Variants in LOC102723971 observed in about 807,000 individuals in gnomAD.
chr9:135,618,056 C>T, the LOC102723971 span: 2 of 398,552 alleles, frequency 5.0e-6, no homozygotes, highest in African/African-American at 4.1e-5. Flanking sequence ...TGAGCACTGT[C>T]CCCCAGCCAC....
chr9:135,618,573 C>A, the LOC102723971 span, among the ~76,000 whole-genome samples: 1 of 151,948 alleles, frequency 6.6e-6, no homozygotes, highest in African/African-American at 2.4e-5. Flanking sequence ...GTTTGAGGAG[C>A]ATGACCGTGC....
chr9:135,618,055 T>C, the LOC102723971 span: 132,267 of 398,326 alleles, frequency 0.33, 22,866 homozygotes, highest in African/African-American at 0.44. Context: ...GTGAGCACTG[T>C]CCCCCAGCCA....
At chr9:135,615,200 A>G in the LOC102723971 span, among the ~76,000 whole-genome samples, 1 of 151,968 alleles carries the variant, frequency 6.6e-6, no homozygotes, top group Non-Finnish European at 1.5e-5. Flanking sequence ...GGCACTAGCC[A>G]GCCTCTCCTG....
the LOC102723971 span, among the ~76,000 whole-genome samples, chr9:135,614,710 C>T: frequency 6.6e-6 from 1 of 152,080 alleles, no homozygotes; most frequent in Non-Finnish European, 1.5e-5. Flanking sequence ...GGGGACCCAG[C>T]CGAGCAGGGG....
the LOC102723971 span, among the ~76,000 whole-genome samples, chr9:135,619,810 A>G: frequency 6.6e-6 from 1 of 151,576 alleles, no homozygotes; most frequent in South Asian, 2.1e-4. Context: ...CAAGACAGGT[A>G]TGTCCAGAGG....
At chr9:135,616,974 C>T in the LOC102723971 span, 3 of 398,500 alleles carry the variant, frequency 7.5e-6, no homozygotes, top group South Asian at 1.3e-4. Flanking sequence ...TCTTTACGTG[C>T]GCTTTGAGGA....
the LOC102723971 span, among the ~76,000 whole-genome samples, chr9:135,615,010 A>T: frequency 6.6e-6 from 1 of 152,224 alleles, no homozygotes; most frequent in Non-Finnish European, 1.5e-5. Context: ...CTTCCCAAGA[A>T]GTAAGCACAG....
chr9:135,619,867 TTCTCCCCCTTCTCCCCAA>T, the LOC102723971 span, among the ~76,000 whole-genome samples: 4 of 28,638 alleles, frequency 1.4e-4, no homozygotes, highest in African/African-American at 6.0e-4. Context: ...CTTCTCCCCC[TTCTCCCCCTTCTCCCCAA>T]TCTCCCCCGT....
At chr9:135,616,068 G>A in the LOC102723971 span, among the ~76,000 whole-genome samples, 2 of 152,206 alleles carry the variant, frequency 1.3e-5, no homozygotes, top group Non-Finnish European at 2.9e-5. Flanking sequence ...CAGAGTCCCA[G>A]GGGTTGGTGG....
At chr9:135,614,488 G>A in the LOC102723971 span, 16 of 396,532 alleles carry the variant, frequency 4.0e-5, no homozygotes, top group Non-Finnish European at 5.8e-5. Flanking sequence ...AGCTCTGGAG[G>A]GTGAGCTGCA....
chr9:135,614,813 C>T, the LOC102723971 span, among the ~76,000 whole-genome samples: 7 of 152,080 alleles, frequency 4.6e-5, no homozygotes, highest in Admixed American at 3.3e-4. Flanking sequence ...GGTCCTGGTG[C>T]TGCTGGTGGG....
chr9:135,619,441 T>G, the LOC102723971 span, among the ~76,000 whole-genome samples: 1 of 151,994 alleles, frequency 6.6e-6, no homozygotes, highest in African/African-American at 2.4e-5. Context: ...CCACGGAGGC[T>G]GTTCTCAGAC....
At chr9:135,617,606 G>T in the LOC102723971 span, among the ~76,000 whole-genome samples, 2 of 152,168 alleles carry the variant, frequency 1.3e-5, no homozygotes, top group African/African-American at 4.8e-5. Context: ...GGGAGGGGTG[G>T]CACCAGGCCG....
chr9:135,616,173 G>A, the LOC102723971 span, among the ~76,000 whole-genome samples: 855 of 152,212 alleles, frequency 5.6e-3, 5 homozygotes, highest in African/African-American at 0.02. Flanking sequence ...GCATGGGGGC[G>A]AGGGGCCTCT....
chr9:135,618,888 A>G, the LOC102723971 span: 1 of 398,732 alleles, frequency 2.5e-6, no homozygotes, highest in Non-Finnish European at 4.4e-6. Context: ...AAAATGAATG[A>G]GTGAAGTCCT....
the LOC102723971 span, chr9:135,616,609 A>G: frequency 4.5e-5 from 18 of 398,590 alleles, no homozygotes; most frequent in Middle Eastern, 6.2e-4. Flanking sequence ...GTGTAAAGAA[A>G]CAAACATCAC....
the LOC102723971 span, among the ~76,000 whole-genome samples, chr9:135,618,600 G>T: frequency 2.0e-5 from 3 of 151,908 alleles, no homozygotes; most frequent in South Asian, 2.1e-4. Flanking sequence ...AGCACGGGCC[G>T]CCAGGGTGGG....
chr9:135,618,218 C>T, the LOC102723971 span, among the ~76,000 whole-genome samples: 4 of 152,184 alleles, frequency 2.6e-5, no homozygotes, highest in African/African-American at 9.7e-5. Flanking sequence ...CCCCACATGA[C>T]ACAGTGATAT....
At chr9:135,615,933 G>A in the LOC102723971 span, among the ~76,000 whole-genome samples, 2 of 152,352 alleles carry the variant, frequency 1.3e-5, no homozygotes, top group African/African-American at 4.8e-5. Context: ...CTGGGGACAA[G>A]CTACGCTGAG....
Sources: gnomAD v4.1 joint callset for allele counts (sites outside exome capture counted in the v4.1 genomes callset) on GRCh38, gnomAD v4.1.1 for gene constraint, MANE v1.5 for transcripts.